The following KLHL1 variants were observed in gnomAD, a reference collection of about 807,000 sequenced individuals.
The protein encoded by KLHL1 is kelch like family member 1, also known as kelch-like protein 1.
A neutral mutation model predicts 77.7 loss-of-function variants in KLHL1; 47 were observed. That is an observed-to-expected ratio of 0.60 (90% CI 0.48 to 0.77). KLHL1 has a LOEUF of 0.77. KLHL1 is among the 30% of genes least tolerant of loss of function. The pLI is 0.00. For missense variants in KLHL1, 925 were observed against 910.8 expected (o/e 1.02, Z -0.20); for synonymous variants, 360 against 325.2 (o/e 1.11, Z -1.15).
chr13:69,870,885 C>T lies in KLHL1; in HGVS notation c.1227+11398G>A, dbSNP rs2138174475. On this transcript the variant is annotated intron_variant, in intron 5 of 10. Transcript: ENST00000377844. ...CATGGTCTTGTGGTTTTGCTTGGTG[C>T]AGCCCATGTGGCCGCTCTCAGGGAT... is the stretch of plus-strand genomic sequence containing the variant. Among the ~76,000 whole-genome samples the T allele has an allele frequency of 1.3e-5, 2 of 152,150 alleles. 1 individual carries two copies. The highest frequency in any genetic ancestry group is 4.2e-4 in the South Asian group (2 of 4,818).
intron 1 of KLHL1, among the ~76,000 whole-genome samples, chr13:70,077,649 T>C (rs1887296402): frequency 6.6e-6 from 1 of 152,016 alleles, no homozygotes; most frequent in African/African-American, 2.4e-5. Flanking sequence ...TATATCAAAA[T>C]GATGTGTTAA....
At position 69,748,126 on chromosome 13, in the gene KLHL1, C is replaced by G. The variant is rs117586431; in HGVS notation, c.1640-7570G>C. Among the ~76,000 whole-genome samples the G allele has an allele frequency of 6.6e-3, 997 of 152,042 alleles. 6 individuals are homozygous for G. Among genetic ancestry groups the G allele is most frequent in the Admixed American group, 0.011 (165 of 15,200 alleles). On this transcript the variant is annotated intron_variant, in intron 7 of 10. Transcript: ENST00000377844. ...TAAATATTGAAAGATTTATATATTA[C>G]TATCTTTTAATTAACCAAAGTATTG...
At position 70,054,377 on chromosome 13, in the gene KLHL1, G is replaced by T. The variant is rs75177281; in HGVS notation, c.497+52826C>A. On this transcript the variant is annotated intron_variant, in intron 1 of 10. Transcript: ENST00000377844. The stretch of plus-strand genomic sequence containing the variant: ...TCCAGTATACACTATTATGTTTCTA[G>T]AGGTTTTTTATGTCTGTGAGATTCA... Among the ~76,000 whole-genome samples the T allele has an allele frequency of 1.2e-3, 180 of 152,128 alleles. 2 individuals are homozygous for T. In the East Asian group the frequency reaches 0.03, roughly 26 times the overall value.
In KLHL1 at chr13:69,707,690, A is replaced by G; in HGVS notation, c.2122T>C (p.Tyr708His). ...GTGTTGAGGTATGTCTGTCCATCAT[A>G]GCCACCAACAGCATATAATCTGTCA... Reference protein sequence around the residue: ...LGDRLYAVGGYDGQTYLNTME... With the variant: ...LGDRLYAVGGHDGQTYLNTME... The change falls in exon 10 of 11, where the codon TAT (tyrosine) becomes CAT (histidine). Residue 708 changes from tyrosine to histidine, a missense_variant. Coordinates refer to ENST00000377844, the MANE Select transcript of KLHL1 (RefSeq NM_020866.3). 2 of 1,612,836 alleles carry G rather than the reference A, an allele frequency of 1.2e-6. No homozygotes were observed. Among genetic ancestry groups the G allele is most frequent in the Non-Finnish European group, 1.7e-6 (2 of 1,179,198 alleles).
intron 4 of KLHL1, among the ~76,000 whole-genome samples, chr13:69,932,669 A>G (rs1883038429): frequency 6.6e-6 from 1 of 151,814 alleles, no homozygotes; most frequent in Admixed American, 6.6e-5. Flanking sequence ...GATATTTTTA[A>G]TATATTGTGC....
intron 7 of KLHL1, among the ~76,000 whole-genome samples, chr13:69,747,063 A>G (rs1252570645): frequency 4.6e-5 from 7 of 152,078 alleles, no homozygotes; most frequent in African/African-American, 1.7e-4. Flanking sequence ...AAGTCGAAAC[A>G]AATGTTGAGT....
intron 3 of KLHL1, among the ~76,000 whole-genome samples, chr13:69,957,018 G>T (rs1361252564): frequency 6.6e-6 from 1 of 151,504 alleles, no homozygotes; most frequent in Non-Finnish European, 1.5e-5. Flanking sequence ...TTTCATCTCT[G>T]ACCTCATGCT....
intron 7 of KLHL1, among the ~76,000 whole-genome samples, chr13:69,792,073 T>C (rs1344360856): frequency 6.6e-6 from 1 of 152,156 alleles, no homozygotes. Context: ...CATGTTTACC[T>C]ATGTAACAAA....
At chr13:70,061,507 T>C (rs1886885313) in intron 1 of KLHL1, among the ~76,000 whole-genome samples, 1 of 152,160 alleles carries the variant, frequency 6.6e-6, no homozygotes, top group African/African-American at 2.4e-5. Flanking sequence ...GCTCACTCTC[T>C]TTATTTCCCT....
At chr13:69,906,241 T>C (rs1314391930) in intron 4 of KLHL1, among the ~76,000 whole-genome samples, 3 of 152,080 alleles carry the variant, frequency 2.0e-5, no homozygotes, top group Non-Finnish European at 4.4e-5. Flanking sequence ...TTTCTGTGAC[T>C]CAGGTTTCCT....
chr13:69,735,559 A>G (rs1873730770), intron 8 of KLHL1, among the ~76,000 whole-genome samples: 1 of 149,394 alleles, frequency 6.7e-6, no homozygotes, highest in South Asian at 2.1e-4. Context: ...ATGTATAAAT[A>G]GATATAAATA....
intron 7 of KLHL1, among the ~76,000 whole-genome samples, chr13:69,771,252 A>G (rs1312948446): frequency 1.3e-5 from 2 of 149,068 alleles, no homozygotes; most frequent in Non-Finnish European, 1.5e-5. Flanking sequence ...CCATTGTCTA[A>G]CACCATGTGC....
chr13:69,805,422 T>G (rs1307780229), intron 6 of KLHL1, among the ~76,000 whole-genome samples: 3 of 151,888 alleles, frequency 2.0e-5, no homozygotes, highest in African/African-American at 7.2e-5. Flanking sequence ...ACAAAGAATA[T>G]AGAACACATT....
At chr13:69,910,182 T>C (rs1055445438) in intron 4 of KLHL1, among the ~76,000 whole-genome samples, 5 of 152,062 alleles carry the variant, frequency 3.3e-5, no homozygotes, top group Admixed American at 6.6e-5. Flanking sequence ...CCACAAATAA[T>C]TATACTAAGT....
chr13:69,747,903 T>C (rs1464758167), intron 7 of KLHL1, among the ~76,000 whole-genome samples: 1 of 151,920 alleles, frequency 6.6e-6, no homozygotes, highest in Non-Finnish European at 1.5e-5. Context: ...AATATATTAC[T>C]ATACACAGCA....
intron 4 of KLHL1, among the ~76,000 whole-genome samples, chr13:69,906,403 C>T (rs1326383931): frequency 6.6e-6 from 1 of 151,924 alleles, no homozygotes; most frequent in Non-Finnish European, 1.5e-5. Flanking sequence ...TTGCACCCTT[C>T]AAGACCCACT....
intron 9 of KLHL1, 147 bp from the exon 10 acceptor site, chr13:69,707,943 G>C (rs1026587614): frequency 5.2e-6 from 3 of 580,518 alleles, no homozygotes; most frequent in East Asian, 5.7e-5. Flanking sequence ...AGGTATTCTA[G>C]AATGAACATC....
chr13:69,861,353 A>C (rs1252685989), intron 5 of KLHL1, among the ~76,000 whole-genome samples: 1 of 151,940 alleles, frequency 6.6e-6, no homozygotes, highest in African/African-American at 2.4e-5. Context: ...TTATATGTCT[A>C]TGAACATTTT....
At chr13:69,917,282 G>T (rs1882478290) in intron 4 of KLHL1, among the ~76,000 whole-genome samples, 1 of 151,380 alleles carries the variant, frequency 6.6e-6, no homozygotes, top group Non-Finnish European at 1.5e-5. Context: ...AAACCAAAAG[G>T]GATTCCTAAA....
Sources: gnomAD v4.1 joint callset for allele counts (sites outside exome capture counted in the v4.1 genomes callset) on GRCh38, gnomAD v4.1.1 for gene constraint, MANE v1.5 for transcripts, NCBI Gene and HGNC (gene_info 2026-07-23, HGNC 2026-07-21) for gene names.